The following RSRC1 variants were observed in gnomAD, a reference collection of about 807,000 sequenced individuals.
The protein encoded by RSRC1 is arginine and serine rich coiled-coil 1, also known as serine/Arginine-related protein 53.
A neutral mutation model predicts 49.1 loss-of-function variants in RSRC1; 39 were observed. The ratio of observed to expected loss-of-function variants is 0.79; its 90% CI spans 0.61 to 1.04. RSRC1 has a LOEUF of 1.04. RSRC1 is among the 50% of genes least tolerant of loss of function. The pLI is 0.00. For synonymous variants in RSRC1, 143 were observed against 130.8 expected (o/e 1.09, Z -0.63); for missense variants, 388 against 402.4 (o/e 0.96, Z 0.31).
In RSRC1 at chr3:158,288,601, G is replaced by A. The variant is rs1010319644; in HGVS notation, c.495-9438G>A. ...CTATTTTATATACCATCTTCCCCCG[G>A]TATCTGTGGGATATTGATTCCAGGA... is the stretch of plus-strand genomic sequence containing the variant. On this transcript the variant is annotated intron_variant, in intron 4 of 9. Coordinates refer to ENST00000611884, the MANE Select transcript of RSRC1 (RefSeq NM_001271838.2). Among the ~76,000 whole-genome samples the A allele has an allele frequency of 3.9e-5, 6 of 152,084 alleles. No homozygotes were observed. In the East Asian group the frequency reaches 1.2e-3, roughly 29 times the overall value.
intron 3 of RSRC1, among the ~76,000 whole-genome samples, chr3:158,155,850 G>T (rs567441412): frequency 6.6e-6 from 1 of 152,254 alleles, no homozygotes; most frequent in East Asian, 1.9e-4. Flanking sequence ...AGGCTTTGTT[G>T]TTTTATTTAT....
intron 3 of RSRC1, among the ~76,000 whole-genome samples, chr3:158,163,581 G>A (rs1366538726): frequency 2.6e-5 from 4 of 151,968 alleles, no homozygotes; most frequent in African/African-American, 4.8e-5. Context: ...CCTGTGTTGT[G>A]TTTGGTTCAG....
chr3:158,238,814 C>G (rs1723392751), intron 4 of RSRC1, among the ~76,000 whole-genome samples: 1 of 152,092 alleles, frequency 6.6e-6, no homozygotes, highest in Admixed American at 6.6e-5. Flanking sequence ...TGGGCAAGGA[C>G]TTCATGACTA....
intron 5 of RSRC1, among the ~76,000 whole-genome samples, chr3:158,306,799 A>G (rs1727861968): frequency 6.6e-6 from 1 of 151,928 alleles, no homozygotes; most frequent in South Asian, 2.1e-4. Flanking sequence ...ACTATATCAT[A>G]TCATCGTATT....
At position 158,526,964 on chromosome 3, in the gene RSRC1, G is replaced by A. The variant is rs79303293; in HGVS notation, c.653-10128G>A. Among the ~76,000 whole-genome samples the A allele has an allele frequency of 2.5e-4, 38 of 151,648 alleles. No individual in the cohort carries two copies. The East Asian group carries it at 4.1e-3, about 16-fold the overall frequency. ...GCCTAACTGCTTCTAATCCATGTAG[G>A]ACTTTTTATTAAAGATGAAAACTAG... On this transcript the variant is annotated intron_variant, in intron 7 of 9. Transcript: ENST00000611884.
chr3:158,195,321 C>A (rs1176779925), intron 3 of RSRC1, among the ~76,000 whole-genome samples: 2 of 147,846 alleles, frequency 1.4e-5, no homozygotes, highest in African/African-American at 5.0e-5. Context: ...TGTTCATATC[C>A]TTTGCCCACT....
chr3:158,144,300 A>G (rs982432451), intron 3 of RSRC1, among the ~76,000 whole-genome samples: 7 of 151,622 alleles, frequency 4.6e-5, no homozygotes, highest in Admixed American at 4.6e-4. Context: ...CCACCCCTCA[A>G]CAGTCCCCGG....
rs1713209098 is a variant in RSRC1, at chr3:158,544,363, A to G, written c.*88A>G. ...CCCAATATTAACTTTTTACTCTTAA[A>G]AAGAATTTTGCTGATTATATATAAA... On this transcript the variant is annotated 3_prime_UTR_variant, in exon 10 of 10. Coordinates refer to ENST00000611884, the MANE Select transcript of RSRC1 (RefSeq NM_001271838.2). 1 of 803,406 alleles carries G rather than the reference A, an allele frequency of 1.2e-6. No individual in the cohort carries two copies. The highest frequency in any genetic ancestry group is 1.9e-5 in the South Asian group (1 of 53,668). The allele number at this position is 803,406 out of a possible 1,614,324, so 49.8% of individuals were successfully genotyped here.
intron 7 of RSRC1, among the ~76,000 whole-genome samples, chr3:158,470,987 C>T (rs1738112115): frequency 6.6e-6 from 1 of 152,152 alleles, no homozygotes; most frequent in African/African-American, 2.4e-5. Flanking sequence ...GCTGGAAAAC[C>T]AAGCACAGGC....
intron 4 of RSRC1, among the ~76,000 whole-genome samples, chr3:158,240,245 T>G (rs1391178057): frequency 6.6e-6 from 1 of 152,186 alleles, no homozygotes; most frequent in Non-Finnish European, 1.5e-5. Context: ...GCTAATATTT[T>G]ATCATTGAAT....
intron 6 of RSRC1, among the ~76,000 whole-genome samples, chr3:158,420,798 A>C (rs1735002123): frequency 6.6e-6 from 1 of 151,948 alleles, no homozygotes; most frequent in South Asian, 2.1e-4. Context: ...CTTTATTGGT[A>C]ATTTAAAATA....
intron 7 of RSRC1, among the ~76,000 whole-genome samples, chr3:158,503,674 C>T (rs867638080): frequency 4.6e-5 from 7 of 152,048 alleles, no homozygotes; most frequent in South Asian, 2.1e-4. Flanking sequence ...TAGGGGAGGG[C>T]GGCAGTCACA....
chr3:158,372,544 T>C (rs1199244882), intron 6 of RSRC1, among the ~76,000 whole-genome samples: 4 of 151,966 alleles, frequency 2.6e-5, no homozygotes, highest in Non-Finnish European at 5.9e-5. Flanking sequence ...CCTTGATCAC[T>C]GTAGTGCTGT....
At chr3:158,273,349 A>C (rs1369521370) in intron 4 of RSRC1, among the ~76,000 whole-genome samples, 2 of 152,108 alleles carry the variant, frequency 1.3e-5, no homozygotes, top group African/African-American at 4.8e-5. Flanking sequence ...TTACACATAC[A>C]TATACACACA....
At chr3:158,420,623 A>G (rs1734989408) in intron 6 of RSRC1, among the ~76,000 whole-genome samples, 1 of 151,932 alleles carries the variant, frequency 6.6e-6, no homozygotes, top group Admixed American at 6.6e-5. Context: ...GTGAGAGTTT[A>G]TGACTCTCTA....
intron 4 of RSRC1, among the ~76,000 whole-genome samples, chr3:158,273,564 C>T (rs1725638775): frequency 6.6e-6 from 1 of 152,044 alleles, no homozygotes; most frequent in South Asian, 2.1e-4. Context: ...AATGTTAGCA[C>T]TGAGGCCTAT....
intron 6 of RSRC1, among the ~76,000 whole-genome samples, chr3:158,375,288 C>T (rs1732302540): frequency 6.6e-6 from 1 of 151,388 alleles, no homozygotes; most frequent in African/African-American, 2.4e-5. Flanking sequence ...CCTCGACCTC[C>T]TGGACTCAGG....
chr3:158,367,183 G>A (rs1314384257), intron 6 of RSRC1, among the ~76,000 whole-genome samples: 5 of 152,110 alleles, frequency 3.3e-5, no homozygotes, highest in Non-Finnish European at 5.9e-5. Context: ...TTGAATAGGA[G>A]TGGTGAGAGA....
intron 6 of RSRC1, among the ~76,000 whole-genome samples, chr3:158,445,967 C>T (rs1736686353): frequency 6.6e-6 from 1 of 151,978 alleles, no homozygotes; most frequent in Non-Finnish European, 1.5e-5. Context: ...CCATATTCAG[C>T]CGTCAGTCTG....
Sources: gnomAD v4.1 joint callset for allele counts (sites outside exome capture counted in the v4.1 genomes callset) on GRCh38, gnomAD v4.1.1 for gene constraint, MANE v1.5 for transcripts, NCBI Gene and HGNC (gene_info 2026-07-23, HGNC 2026-07-21) for gene names.